Variants in LDLRAD3 observed in about 807,000 individuals in gnomAD.
The protein encoded by LDLRAD3 is low-density lipoprotein receptor class A domain-containing protein 3.
LDLRAD3 carries 20 observed loss-of-function variants against 29.4 expected under a neutral mutation model. The ratio of observed to expected loss-of-function variants is 0.68; its 90% CI spans 0.48 to 0.99. The LOEUF (loss-of-function observed/expected upper bound fraction) is 0.99. Ranked by LOEUF, LDLRAD3 falls within the 50% of genes least tolerant of loss-of-function variation. LDLRAD3 has a pLI of 0.00. For missense variants in LDLRAD3, 420 were observed against 454.3 expected (o/e 0.92, Z 0.69); for synonymous variants, 157 against 192.7 (o/e 0.81, Z 1.53).
In LDLRAD3 at chr11:36,108,708, C is replaced by T. The variant is rs1305497682; in HGVS notation, c.454+10247C>T. 3.3e-5 allele frequency among the ~76,000 whole-genome samples: 5 copies of T among 152,082 alleles called. No individual in the cohort carries two copies. The East Asian group carries it at 7.7e-4, about 23-fold the overall frequency. ...GGTAAGCAGATCCCAAGGTGAGAAACAGCGTGATGCATTTGAGGAACTGGC... is the reference window on the plus strand; with the variant it reads ...GGTAAGCAGATCCCAAGGTGAGAAATAGCGTGATGCATTTGAGGAACTGGC... On this transcript the variant is annotated intron_variant, in intron 4 of 5. Transcript: ENST00000315571.
At chr11:36,049,707 A>T (rs1265937755) in intron 2 of LDLRAD3, among the ~76,000 whole-genome samples, 1 of 151,588 alleles carries the variant, frequency 6.6e-6, no homozygotes, top group Admixed American at 6.6e-5. Context: ...GGTAGGTTAC[A>T]TTGCAAGTAT....
At chr11:36,150,304 G>A (rs1253131893) in intron 4 of LDLRAD3, among the ~76,000 whole-genome samples, 14 of 151,882 alleles carry the variant, frequency 9.2e-5, no homozygotes, top group Admixed American at 9.2e-4. Context: ...GAGGCAGCAG[G>A]ATCACTTGGG....
intron 4 of LDLRAD3, among the ~76,000 whole-genome samples, chr11:36,114,338 G>A (rs1366527008): frequency 1.3e-5 from 2 of 152,152 alleles, no homozygotes; most frequent in African/African-American, 4.8e-5. Flanking sequence ...TCTGCCTATC[G>A]GGGCTGAGAG....
chr11:36,003,671 A>T (rs1336596331), intron 1 of LDLRAD3, among the ~76,000 whole-genome samples: 1 of 152,210 alleles, frequency 6.6e-6, no homozygotes, highest in East Asian at 1.9e-4. Flanking sequence ...TGAGAAAGTG[A>T]TAATTCAAAT....
intron 1 of LDLRAD3, among the ~76,000 whole-genome samples, chr11:35,990,382 A>G (rs970386489): frequency 5.3e-5 from 8 of 151,412 alleles, no homozygotes; most frequent in African/African-American, 1.9e-4. Flanking sequence ...AATCTGTGGC[A>G]TTCCTTGGCT....
chr11:35,972,444 G>A (rs1035402579), intron 1 of LDLRAD3: 1 of 151,836 alleles, frequency 6.6e-6, no homozygotes, highest in Non-Finnish European at 1.5e-5. Context: ...TTTCAAATTG[G>A]TAATAGATAT....
intron 1 of LDLRAD3, chr11:35,972,351 C>A (rs1851423908): frequency 6.6e-6 from 1 of 151,882 alleles, no homozygotes; most frequent in Admixed American, 6.5e-5. Context: ...TAGGGCGATT[C>A]ATCAGTGAGA....
chr11:36,213,263 C>T lies in LDLRAD3; in HGVS notation c.455-13822C>T, dbSNP rs894735821. On this transcript the variant is annotated intron_variant, in intron 4 of 5. Coordinates refer to ENST00000315571, the MANE Select transcript of LDLRAD3 (RefSeq NM_174902.4). This position sits in a 1 kb window ranked among gnomAD's most constrained non-coding sequence, Gnocchi z 4.1. ...GGGCCAGGATGGCCCCTGCTGTGGC[C>T]GGTCTGAGGTTGCGCAGCTCCAGTT... Among the ~76,000 whole-genome samples, 8 of 152,192 alleles carry T rather than the reference C, an allele frequency of 5.3e-5. No individual in the cohort carries two copies. The highest frequency in any genetic ancestry group is 1.3e-4 in the Admixed American group (2 of 15,284).
chr11:36,006,543 C>A (rs186705367), intron 1 of LDLRAD3, among the ~76,000 whole-genome samples: 125 of 152,340 alleles, frequency 8.2e-4, no homozygotes, highest in African/African-American at 3.0e-3. Context: ...CGCTGCCTCT[C>A]CATAGCTGCT....
intron 1 of LDLRAD3, among the ~76,000 whole-genome samples, chr11:36,004,504 A>G (rs1410308898): frequency 6.6e-6 from 1 of 152,144 alleles, no homozygotes; most frequent in Non-Finnish European, 1.5e-5. Context: ...TACAGCCCCC[A>G]TGGCAGCTTT....
intron 4 of LDLRAD3, among the ~76,000 whole-genome samples, chr11:36,162,525 CAGT>C (rs1854457917): frequency 6.6e-6 from 1 of 152,198 alleles, no homozygotes; most frequent in South Asian, 2.1e-4. Context: ...ACATGTGAAT[CAGT>C]GGTGCCCTGG....
At chr11:36,135,924 A>AAGC (rs1853997813) in intron 4 of LDLRAD3, among the ~76,000 whole-genome samples, 1 of 152,190 alleles carries the variant, frequency 6.6e-6, no homozygotes, top group Admixed American at 6.5e-5. Context: ...AAAGAAGAAG[A>AAGC]AAAAATAAAT....
chr11:36,086,382 C>A (rs1853195785), intron 3 of LDLRAD3, among the ~76,000 whole-genome samples: 1 of 151,436 alleles, frequency 6.6e-6, no homozygotes, highest in African/African-American at 2.4e-5. Flanking sequence ...TGAAGCCTAG[C>A]GGGAGTGCTT....
chr11:35,968,107 G>T, intron 1 of LDLRAD3: 1 of 449,698 alleles, frequency 2.2e-6, no homozygotes, highest in Non-Finnish European at 4.4e-6. Flanking sequence ...GTTTCTCATA[G>T]AACACATGTC....
chr11:35,999,375 T>C (rs1006254545), intron 1 of LDLRAD3, among the ~76,000 whole-genome samples: 1 of 152,186 alleles, frequency 6.6e-6, no homozygotes, highest in African/African-American at 2.4e-5. Context: ...GAATGTCCTC[T>C]CTGTTGAGAG....
At chr11:35,980,752 A>G (rs1433995631) in intron 1 of LDLRAD3, among the ~76,000 whole-genome samples, 1 of 152,268 alleles carries the variant, frequency 6.6e-6, no homozygotes, top group Non-Finnish European at 1.5e-5. Flanking sequence ...TAAAACATGA[A>G]TGAAATACAG....
chr11:35,966,420 G>A (rs761085678), intron 1 of LDLRAD3, among the ~76,000 whole-genome samples: 11 of 152,252 alleles, frequency 7.2e-5, no homozygotes, highest in African/African-American at 1.9e-4. Flanking sequence ...GTGAGACTCC[G>A]TCCCAAAAAA....
At chr11:36,100,534 G>A (rs1235173835) in intron 4 of LDLRAD3, among the ~76,000 whole-genome samples, 7 of 152,178 alleles carry the variant, frequency 4.6e-5, no homozygotes, top group Non-Finnish European at 7.3e-5. Flanking sequence ...CTGCCTCCCG[G>A]GTTCAAGCGA....
At chr11:36,041,901 A>G (rs1248866511) in intron 2 of LDLRAD3, among the ~76,000 whole-genome samples, 1 of 152,138 alleles carries the variant, frequency 6.6e-6, no homozygotes, top group Non-Finnish European at 1.5e-5. Flanking sequence ...GAGGAGGGAT[A>G]AATTTGAGGA....
Sources: gnomAD v4.1 joint callset for allele counts (sites outside exome capture counted in the v4.1 genomes callset) on GRCh38, gnomAD v4.1.1 for gene constraint, Gnocchi (gnomAD v3.1) non-coding constraint, MANE v1.5 for transcripts, NCBI Gene and HGNC (gene_info 2026-07-23, HGNC 2026-07-21) for gene names.